PTPRD: variants seen among roughly 807,000 people sequenced by gnomAD.
PTPRD encodes the protein receptor-type tyrosine-protein phosphatase delta.
PTPRD carries 34 observed loss-of-function variants against 214.5 expected under a neutral mutation model. The observed-to-expected ratio is 0.16, with a 90% confidence interval of 0.12 to 0.21. The LOEUF (loss-of-function observed/expected upper bound fraction) is 0.21. Among genes scored for constraint, PTPRD ranks in the 10% least tolerant of loss-of-function variants. The pLI is 1.00. For synonymous variants in PTPRD, 1,128 were observed against 845.7 expected, an observed-to-expected ratio of 1.33 and a Z score of -5.79; for missense variants, 2,545 against 2,398.7, an observed-to-expected ratio of 1.06 and a Z score of -1.27.
chr9:9,639,815 T>G (rs1325888023), intron 7 of PTPRD, among the ~76,000 whole-genome samples: 2 of 152,200 alleles, frequency 1.3e-5, no homozygotes, highest in South Asian at 2.1e-4. Flanking sequence ...TGACTTTGCT[T>G]AGGTTTGTAT....
At chr9:10,242,994 A>G (rs1257145299) in intron 3 of PTPRD, among the ~76,000 whole-genome samples, 4 of 151,886 alleles carry the variant, frequency 2.6e-5, no homozygotes. Context: ...CAAAAATGAA[A>G]AGTTTTAACA....
At chr9:10,209,802 C>T (rs999336156) in intron 3 of PTPRD, among the ~76,000 whole-genome samples, 8 of 151,992 alleles carry the variant, frequency 5.3e-5, no homozygotes, top group African/African-American at 1.9e-4. Flanking sequence ...TGAGAAAAAA[C>T]ATTTTCTACA....
chr9:10,589,591 G>C (rs1263824857), intron 2 of PTPRD, among the ~76,000 whole-genome samples: 1 of 152,010 alleles, frequency 6.6e-6, no homozygotes, highest in East Asian at 1.9e-4. Context: ...ACTCAGGAAT[G>C]AATTACTGTG....
chr9:8,420,410 G>A (rs2094272916), intron 35 of PTPRD, among the ~76,000 whole-genome samples: 1 of 151,924 alleles, frequency 6.6e-6, no homozygotes, highest in African/African-American at 2.4e-5. Context: ...TAAATTTTTT[G>A]TAGCTAAAAT....
chr9:9,296,202 T>C (rs1003218372), intron 9 of PTPRD, among the ~76,000 whole-genome samples: 2 of 151,782 alleles, frequency 1.3e-5, no homozygotes, highest in Non-Finnish European at 2.9e-5. Context: ...TTCTGCACCA[T>C]GAACTTGTAC....
At position 9,553,850 on chromosome 9, in the gene PTPRD, T is replaced by C. The variant is rs530228888; in HGVS notation, c.-237+20882A>G. 5.3e-5 allele frequency among the ~76,000 whole-genome samples: 8 copies of C among 152,166 alleles called. No individual in the cohort carries two copies. In the South Asian group the frequency reaches 1.7e-3, roughly 32 times the overall value. On this transcript the variant is annotated intron_variant, in intron 8 of 45. Coordinates refer to ENST00000381196, the MANE Select transcript of PTPRD (RefSeq NM_002839.4). The stretch of plus-strand genomic sequence containing the variant: ...AATAATGCTTACACATTCTCACGTA[T>C]CAGTTACTTAATTGCTGATTATTGG...
intron 3 of PTPRD, among the ~76,000 whole-genome samples, chr9:10,149,786 G>C (rs113140633): frequency 6.7e-6 from 1 of 150,060 alleles, no homozygotes; most frequent in African/African-American, 2.5e-5. Context: ...GCTGGAGTGC[G>C]GTGGTGCAAT....
intron 3 of PTPRD, among the ~76,000 whole-genome samples, chr9:10,326,589 A>G (rs1341287274): frequency 6.6e-6 from 1 of 151,564 alleles, no homozygotes; most frequent in African/African-American, 2.4e-5. Context: ...ATTGCTTCAC[A>G]TTTTGGTTTT....
chr9:8,496,641 G>C (rs903821257), intron 26 of PTPRD, among the ~76,000 whole-genome samples: 3 of 152,266 alleles, frequency 2.0e-5, no homozygotes, highest in African/African-American at 4.8e-5. Flanking sequence ...GCCACTTCTA[G>C]TTAGAGTTAA....
intron 8 of PTPRD, among the ~76,000 whole-genome samples, chr9:9,544,214 T>G (rs2078238046): frequency 6.6e-6 from 1 of 151,636 alleles, no homozygotes. Context: ...CATTTCTCCC[T>G]AAAAATTGTA....
intron 39 of PTPRD, among the ~76,000 whole-genome samples, chr9:8,358,108 T>C (rs1230803152): frequency 2.6e-5 from 4 of 152,200 alleles, no homozygotes; most frequent in African/African-American, 9.7e-5. Flanking sequence ...CTCACTTTAT[T>C]TAGTGTCTGT....
intron 21 of PTPRD, among the ~76,000 whole-genome samples, chr9:8,509,435 CTTCT>C (rs1222136833): frequency 6.6e-6 from 1 of 152,054 alleles, no homozygotes; most frequent in African/African-American, 2.4e-5. Flanking sequence ...GTTTTATTTG[CTTCT>C]TTCTTTCTCC....
intron 8 of PTPRD, among the ~76,000 whole-genome samples, chr9:9,566,527 AG>A (rs1273751081): frequency 6.6e-6 from 1 of 152,018 alleles, no homozygotes; most frequent in African/African-American, 2.4e-5. Flanking sequence ...CTGGAGAATC[AG>A]TTTTACACAA....
chr9:10,591,694 T>C (rs2075486996), intron 2 of PTPRD, among the ~76,000 whole-genome samples: 1 of 152,058 alleles, frequency 6.6e-6, no homozygotes, highest in African/African-American at 2.4e-5. Flanking sequence ...GCCAGCCTCA[T>C]GGAATTCTCA....
At chr9:9,584,028 A>C (rs2091414127) in intron 7 of PTPRD, among the ~76,000 whole-genome samples, 3 of 151,996 alleles carry the variant, frequency 2.0e-5, no homozygotes, top group African/African-American at 7.2e-5. Context: ...TCAAACTCAA[A>C]TGCACATAAA....
chr9:8,534,550 G>C (rs1310152258), intron 14 of PTPRD, among the ~76,000 whole-genome samples: 1 of 151,568 alleles, frequency 6.6e-6, no homozygotes, highest in African/African-American at 2.4e-5. Flanking sequence ...AGTGAGAAAA[G>C]TTTTCATTAA....
chr9:9,890,486 A>G (rs113998006), intron 5 of PTPRD, among the ~76,000 whole-genome samples: 2,452 of 152,246 alleles, frequency 0.016, 63 homozygotes, highest in African/African-American at 0.056. Flanking sequence ...GGTATGAGCC[A>G]CATGACCAGC....
intron 11 of PTPRD, among the ~76,000 whole-genome samples, chr9:8,834,319 TATATC>T (rs767903561): frequency 5.1e-4 from 78 of 152,268 alleles, no homozygotes; most frequent in Non-Finnish European, 8.8e-4. Context: ...AAAATTTTCA[TATATC>T]ATATGAAGTG....
At chr9:9,354,023 C>T (rs2052597373) in intron 9 of PTPRD, among the ~76,000 whole-genome samples, 2 of 151,718 alleles carry the variant, frequency 1.3e-5, no homozygotes, top group African/African-American at 4.8e-5. Flanking sequence ...ACTCTTAGCT[C>T]CTAGAGGCTG....
Sources: allele counts gnomAD v4.1 joint callset (sites outside exome capture counted in the v4.1 genomes callset), GRCh38; gene constraint gnomAD v4.1.1; transcripts MANE v1.5; gene names NCBI Gene and HGNC (gene_info 2026-07-23, HGNC 2026-07-21).